MAPK12: variants seen among roughly 807,000 people sequenced by gnomAD.
MAPK12 encodes the protein mitogen-activated protein kinase 12.
Under a neutral mutation model 49.1 loss-of-function variants are expected in MAPK12, and 49 were observed. That is an observed-to-expected ratio of 1.00 (90% CI 0.79 to 1.27). The LOEUF is 1.27. Among genes scored for constraint, MAPK12 ranks in the 50% most tolerant of loss-of-function variants. The pLI is 0.00. For synonymous variants in MAPK12, 251 were observed against 209.7 expected (o/e 1.20, Z -1.70); for missense variants, 554 against 502.4 (o/e 1.10, Z -0.98).
chr22:50,261,347 G>A, intron 1 of MAPK12, 38 bp downstream of exon 1: 1 of 1,132,766 alleles, frequency 8.8e-7, no homozygotes. Flanking sequence ...CGCAGGCCCC[G>A]CCCGCCCCGC....
In MAPK12 at chr22:50,261,491, CG is replaced by C; in HGVS notation, c.18del (p.Ala7ProfsTer10). ...TCCTGGCGGTAAAAGCCACTGCGGGCGGGCGGCGGAGAGCTCATGGCAGGCC... is the reference window on the plus strand; with the variant it reads ...TCCTGGCGGTAAAAGCCACTGCGGGCGGCGGCGGAGAGCTCATGGCAGGCC... MSSPP[P>X]ARSGFYRQEV... On this transcript the variant is annotated frameshift_variant, in exon 1 of 12. Transcript: ENST00000215659. LOFTEE classifies it high-confidence loss of function. The C allele has an allele frequency of 8.0e-7, 1 of 1,251,148 alleles. No homozygotes were observed. Among genetic ancestry groups the C allele is most frequent in the Non-Finnish European group, 1.0e-6 (1 of 973,862 alleles). The allele number at this position is 1,251,148 out of a possible 1,614,324, so 77.5% of individuals were successfully genotyped here.
rs550750575 is a variant in MAPK12 at position 50,253,103 on chromosome 22, G to C, written c.*298C>G. Reference sequence around the variant, plus strand: ...GGCTCAGAGGCCAAGGCCTGATCTGGAGCCCCACCAGCTCTGAGGTTTCTG... The same window carrying C: ...GGCTCAGAGGCCAAGGCCTGATCTGCAGCCCCACCAGCTCTGAGGTTTCTG... On this transcript the variant is annotated 3_prime_UTR_variant, in exon 12 of 12. Coordinates refer to ENST00000215659, the MANE Select transcript of MAPK12 (RefSeq NM_002969.6). 5 of 453,284 alleles carry C rather than the reference G, an allele frequency of 1.1e-5. No individual in the cohort carries two copies. In the East Asian group the frequency reaches 2.2e-4, roughly 20 times the overall value. The allele number at this position is 453,284 out of a possible 1,614,324, so 28.1% of individuals were successfully genotyped here.
chr22:50,255,374 C>A lies in MAPK12; in HGVS notation c.851-4G>T, dbSNP rs201872615. On this transcript the variant is annotated splice_polypyrimidine_tract_variant and splice_region_variant and intron_variant, in intron 10 of 11. Coordinates refer to ENST00000215659, the MANE Select transcript of MAPK12 (RefSeq NM_002969.6). ...ATCTTCTCCAGGAGGTTCACAGCTG[C>A]GGGGGAAGGTGCATCAGGCCAGACC... is the stretch of plus-strand genomic sequence containing the variant. The A allele has an allele frequency of 2.7e-5, 43 of 1,612,914 alleles. No homozygotes were observed. Among genetic ancestry groups the A allele is most frequent in the Non-Finnish European group, 3.6e-5 (42 of 1,179,748 alleles).
chr22:50,258,002 G>A (rs2065168793), intron 3 of MAPK12: 2 of 740,096 alleles, frequency 2.7e-6, no homozygotes, highest in Non-Finnish European at 5.0e-6. Flanking sequence ...GAGGGCCCAG[G>A]TGCCAGGCGT....
intron 2 of MAPK12, among the ~76,000 whole-genome samples, chr22:50,258,753 C>T (rs1336587498): frequency 1.3e-5 from 2 of 152,254 alleles, no homozygotes; most frequent in Non-Finnish European, 2.9e-5. Context: ...GTCCCCTCAG[C>T]ACCCCTGGTT....
chr22:50,261,203 G>C lies in MAPK12; in HGVS notation c.219C>G (p.Arg73=), dbSNP rs1223968537. 1.7e-5 allele frequency: 27 copies of C among 1,591,542 alleles called. No homozygotes were observed. Among genetic ancestry groups the C allele is most frequent in the Non-Finnish European group, 2.3e-5 (27 of 1,170,286 alleles). ...GCATGTGCTTGAGCAGGCGCAGCTC[G>C]CGGTAGGCGCGCTTGGCGAACAGCT... The part of the protein sequence containing the change: ...QSELFAKRAY[R]ELRLLKHMRH... Residue 73 remains arginine, a synonymous_variant, in exon 2 of 12, where the codon CGC becomes CGG. Coordinates refer to ENST00000215659, the MANE Select transcript of MAPK12 (RefSeq NM_002969.6).
chr22:50,253,515 G>T (rs1339381492), intron 11 of MAPK12, 35 bp from the exon 12 acceptor site: 1 of 941,812 alleles, frequency 1.1e-6, no homozygotes, highest in Middle Eastern at 2.9e-4. Flanking sequence ...CAACAGAGAG[G>T]GGGGTCAGCC....
chr22:50,259,439 C>T (rs1601645277), intron 2 of MAPK12, among the ~76,000 whole-genome samples: 2 of 152,134 alleles, frequency 1.3e-5, no homozygotes, highest in East Asian at 3.9e-4. Flanking sequence ...GCCTCCTCCC[C>T]CGCTGAGCAA....
At position 50,256,921 on chromosome 22, in the gene MAPK12, C is replaced by G; in HGVS notation, c.456+14G>C. 6.2e-7 allele frequency: 1 copy of G among 1,605,004 alleles called. No individual in the cohort carries two copies. Among genetic ancestry groups the G allele is most frequent in the Non-Finnish European group, 8.5e-7 (1 of 1,177,612 alleles). On this transcript the variant is annotated intron_variant, in intron 5 of 11. Transcript: ENST00000215659. ...GGGGGAGGGCTGATGAGCGGCTTCT[C>G]CACCGGGACTCACTCTGTGGATGAT...
In MAPK12 at chr22:50,253,314, C is replaced by G. The variant is rs575812797; in HGVS notation, c.*87G>C. ...TGATGGATGCCTTGGGATGCAAGCCCCAGCCAAGGTCAAGGTGGCAACGAG... is the reference window on the plus strand; with the variant it reads ...TGATGGATGCCTTGGGATGCAAGCCGCAGCCAAGGTCAAGGTGGCAACGAG... On this transcript the variant is annotated 3_prime_UTR_variant, in exon 12 of 12. Transcript: ENST00000215659. 7.8e-5 allele frequency: 78 copies of G among 1,000,180 alleles called. 4 individuals are homozygous for G. The South Asian group carries it at 1.0e-3, about 13-fold the overall frequency. The allele number at this position is 1,000,180 out of a possible 1,614,324, so 62.0% of individuals were successfully genotyped here.
intron 5 of MAPK12, 25 bp from the exon 6 acceptor site, chr22:50,256,671 C>A: frequency 6.2e-7 from 1 of 1,600,110 alleles, no homozygotes; most frequent in Non-Finnish European, 8.5e-7. Context: ...AAGGTGGCCA[C>A]TGTGCCCCAC....
intron 9 of MAPK12, 37 bp downstream of exon 9, chr22:50,255,578 G>GGGCCCCCCCCCCCCCCCCCCCC: frequency 6.3e-7 from 1 of 1,581,918 alleles, no homozygotes; most frequent in Non-Finnish European, 8.7e-7. Flanking sequence ...GCCCAGGTCC[G>GGGCCCCCCCCCCCCCCCCCCCC]CCCCCACCCC....
rs749769124 is a variant in MAPK12, at chr22:50,256,626, C to T, written c.477G>A (p.Leu159=). The change falls in exon 6 of 12, where the codon CTG becomes CTA. Residue 159 remains leucine, a synonymous_variant. Transcript: ENST00000215659. The part of the protein sequence containing the change: ...IIHRDLKPGN[L]AVNEDCELKI... ...TCAGCTCACAGTCTTCGTTCACAGC[C>T]AGGTTGCCGGGCTTCAGGTCCTGGG... 2.5e-6 allele frequency: 4 copies of T among 1,611,918 alleles called. 1 individual carries two copies. In the Admixed American group the frequency reaches 5.0e-5, roughly 20 times the overall value.
chr22:50,257,978 C>A (rs1464362606), intron 3 of MAPK12: 1 of 758,282 alleles, frequency 1.3e-6, no homozygotes, highest in South Asian at 1.4e-5. Flanking sequence ...AAGGTTCACA[C>A]CTCCGGTGCT....
In MAPK12 at chr22:50,257,111, G is replaced by C. The variant is rs931253980; in HGVS notation, c.397C>G (p.Leu133Val). The C allele has an allele frequency of 1.9e-6, 3 of 1,612,756 alleles. No individual in the cohort carries two copies. The highest frequency in any genetic ancestry group is 3.3e-4 in the Middle Eastern group (2 of 6,060). Reference protein sequence around the residue: ...EKLGEDRIQFLVYQMLKGLRY... With the variant: ...EKLGEDRIQFVVYQMLKGLRY... ...AGCCCCTTCAGCATCTGGTACACGA[G>C]GAACTGGATCCGGTCCTCGCCTAGC... Residue 133 changes from leucine to valine, a missense_variant, in exon 4 of 12, where the codon CTC becomes GTC. Coordinates refer to ENST00000215659, the MANE Select transcript of MAPK12 (RefSeq NM_002969.6).
intron 11 of MAPK12, 22 bp from the exon 12 acceptor site, chr22:50,253,502 G>GGAGGA: frequency 5.8e-6 from 1 of 171,686 alleles, no homozygotes. Context: ...GGGGGGGCGG[G>GGAGGA]CACAACAGAG....
At chr22:50,255,763 G>A (rs2065143510) in intron 8 of MAPK12, 47 bp downstream of exon 8, 4 of 1,610,616 alleles carry the variant, frequency 2.5e-6, no homozygotes, top group African/African-American at 2.7e-5. Context: ...ACCTGGGCAG[G>A]AGCCATCCCC....
rs892649281 is a variant in MAPK12, at chr22:50,253,064, C to T, written c.*337G>A. 5 of 398,506 alleles carry T rather than the reference C, an allele frequency of 1.3e-5. No individual in the cohort carries two copies. Among genetic ancestry groups the T allele is most frequent in the Non-Finnish European group, 2.4e-5 (5 of 209,556 alleles). 24.7% of individuals were successfully genotyped at this position (398,506 alleles called of 1,614,324 possible). On this transcript the variant is annotated 3_prime_UTR_variant, in exon 12 of 12. Coordinates refer to ENST00000215659, the MANE Select transcript of MAPK12 (RefSeq NM_002969.6). The stretch of plus-strand genomic sequence containing the variant: ...CACCCTCTGTCCTTCCTCTGCATGG[C>T]CCAGAGCAGGCAGGGCTCAGAGGCC...
chr22:50,259,825 A>G (rs1461109975), intron 2 of MAPK12, among the ~76,000 whole-genome samples: 1 of 151,786 alleles, frequency 6.6e-6, no homozygotes, highest in Non-Finnish European at 1.5e-5. Flanking sequence ...CGAAGGTTGC[A>G]GTGAGCTGAG....
Sources: allele counts gnomAD v4.1 joint callset (sites outside exome capture counted in the v4.1 genomes callset), GRCh38; gene constraint gnomAD v4.1.1; transcripts MANE v1.5; gene names NCBI Gene and HGNC (gene_info 2026-07-23, HGNC 2026-07-21).